MVD: variants seen among roughly 807,000 people sequenced by gnomAD.
The protein encoded by MVD is mevalonate diphosphate decarboxylase.
In MVD, 52 loss-of-function variants were observed where a neutral mutation model predicts 42.4. That is an observed-to-expected ratio of 1.23 (90% confidence interval 0.98 to 1.55). The LOEUF (loss-of-function observed/expected upper bound fraction) is 1.55. Among genes scored for constraint, MVD ranks in the 40% most tolerant of loss-of-function variants. The pLI, the probability that MVD is intolerant of heterozygous loss-of-function variation, is 0.00. For missense variants in MVD, 663 were observed against 572.1 expected, an observed-to-expected ratio of 1.16 and a Z score of -1.62; for synonymous variants, 287 against 243.2, an observed-to-expected ratio of 1.18 and a Z score of -1.68.
In MVD at chr16:88,654,693, T is replaced by C. The variant is rs1907791092; in HGVS notation, c.1012A>G (p.Thr338Ala). ...AGGAGGGGCGGGGTCCACACTCACG[T>C]GTCTCCATTCGAGCCTGGGGGAAAG... is the stretch of plus-strand genomic sequence containing the variant. ...HGFPPGSNGD[T>A]FLKGLQVRPA... The change falls in exon 8 of 10, where the codon ACG (threonine) becomes GCG (alanine). Residue 338 changes from threonine (T) to alanine (A), a missense_variant and splice_region_variant. Transcript: ENST00000301012. 6.3e-7 allele frequency: 1 copy of C among 1,596,274 alleles called. No homozygotes were observed. The highest frequency in any genetic ancestry group is 1.4e-5 in the African/African-American group (1 of 73,586).
rs1211057931 is a variant in MVD at position 88,655,249 on chromosome 16, G to A, written c.847C>T (p.Arg283Cys). 10 of 1,585,658 alleles carry A rather than the reference G, an allele frequency of 6.3e-6. No individual in the cohort carries two copies. Among genetic ancestry groups the A allele is most frequent in the South Asian group, 1.2e-5 (1 of 86,878 alleles). The change falls in exon 7 of 10, where the codon CGC becomes TGC. Residue 283 changes from arginine (R) to cysteine (C), a missense_variant. Physicochemically the swap from Arg to Cys is radical, Grantham distance 180. Coordinates refer to ENST00000301012, the MANE Select transcript of MVD (RefSeq NM_002461.3). ...PISYLNAISW[R>C]IIHLVHRFNA... is the part of the protein sequence containing the mutation. The stretch of plus-strand genomic sequence containing the variant: ...AAGCGGTGCACCAGGTGGATGATGC[G>A]CCAGGAGATGGCATTGAGGTAAGAG...
intron 9 of MVD, among the ~76,000 whole-genome samples, chr16:88,652,905 C>T (rs1907664955): frequency 6.6e-6 from 1 of 152,114 alleles, no homozygotes; most frequent in African/African-American, 2.4e-5. Flanking sequence ...CTTGGGCGGC[C>T]GTGATCACTG....
intron 3 of MVD, 110 bp from the exon 4 acceptor site, chr16:88,657,692 C>T: frequency 2.0e-6 from 3 of 1,479,490 alleles, no homozygotes; most frequent in Non-Finnish European, 2.8e-6. Context: ...GCCTGCCAGA[C>T]TCCTCGTGGA....
intron 8 of MVD, among the ~76,000 whole-genome samples, chr16:88,654,203 G>A (rs1017828): frequency 0.57 from 86,801 of 151,598 alleles, 26,115 homozygotes; most frequent in East Asian, 0.77. Flanking sequence ...GCTCTGTGGC[G>A]CCAAGATGCA....
intron 9 of MVD, among the ~76,000 whole-genome samples, chr16:88,652,836 G>A (rs970243962): frequency 6.6e-6 from 1 of 152,226 alleles, no homozygotes; most frequent in Admixed American, 6.5e-5. Flanking sequence ...TCACAGGGGG[G>A]ACAGAGAACC....
At chr16:88,662,975 G>A in intron 1 of MVD, 36 bp downstream of exon 1, 1 of 1,579,228 alleles carries the variant, frequency 6.3e-7, no homozygotes, top group African/African-American at 1.4e-5. Flanking sequence ...CCTCGCTCCC[G>A]GCCATCCCCG....
At chr16:88,653,558 G>C in intron 8 of MVD, 150 bp from the exon 9 acceptor site, 1 of 635,788 alleles carries the variant, frequency 1.6e-6, no homozygotes, top group African/African-American at 1.9e-5. Context: ...TGTGGGGACA[G>C]GTTTCTTTTA....
At chr16:88,655,157 C>G in intron 7 of MVD, 42 bp downstream of exon 7, 1 of 1,544,784 alleles carries the variant, frequency 6.5e-7, no homozygotes. Context: ...TAGACACGCG[C>G]TACAGCGCGA....
At chr16:88,652,845 C>T (rs990808256) in intron 9 of MVD, among the ~76,000 whole-genome samples, 1 of 152,218 alleles carries the variant, frequency 6.6e-6, no homozygotes, top group Admixed American at 6.5e-5. Flanking sequence ...GGACAGAGAA[C>T]CACAGAGCCT....
chr16:88,661,158 A>G (rs919765038), intron 1 of MVD, among the ~76,000 whole-genome samples: 6 of 152,078 alleles, frequency 3.9e-5, no homozygotes, highest in Non-Finnish European at 8.8e-5. Flanking sequence ...ACAACCTTGG[A>G]TCACAGACTT....
chr16:88,657,939 G>GGCAGGCCTGCAGCCT lies in MVD; in HGVS notation c.231_232insAGGCTGCAGGCCTGC (p.Arg78_Cys82dup). The GGCAGGCCTGCAGCCT allele has an allele frequency of 6.2e-7, 1 of 1,613,524 alleles. No individual in the cohort carries two copies. Among genetic ancestry groups the GGCAGGCCTGCAGCCT allele is most frequent in the Admixed American group, 1.7e-5 (1 of 60,014 alleles). On this transcript the variant is annotated inframe_insertion, in exon 3 of 10. Coordinates refer to ENST00000301012, the MANE Select transcript of MVD (RefSeq NM_002461.3). ...CTCTCCCGCAGGCAGGCCTGCAGCC[G>GGCAGGCCTGCAGCCT]CGGCTGCCCCACATCCTCCTCCCGG...
chr16:88,655,141 C>A, intron 7 of MVD, 58 bp downstream of exon 7: 1 of 1,534,098 alleles, frequency 6.5e-7, no homozygotes, highest in Non-Finnish European at 8.8e-7. Flanking sequence ...CACGGCAGCA[C>A]AAGCCTAGAC....
intron 8 of MVD, among the ~76,000 whole-genome samples, chr16:88,654,274 G>A (rs1043849363): frequency 3.0e-4 from 45 of 152,312 alleles, no homozygotes; most frequent in East Asian, 2.3e-3. Flanking sequence ...ACACCCGGCC[G>A]CCTTGACTGG....
At chr16:88,652,829 C>CA (rs1265636620) in intron 9 of MVD, among the ~76,000 whole-genome samples, 1 of 152,198 alleles carries the variant, frequency 6.6e-6, no homozygotes, top group Non-Finnish European at 1.5e-5. Context: ...GCTTCTGTCA[C>CA]AGGGGGGACA....
At chr16:88,661,702 C>G (rs1908302093) in intron 1 of MVD, among the ~76,000 whole-genome samples, 1 of 152,028 alleles carries the variant, frequency 6.6e-6, no homozygotes, top group African/African-American at 2.4e-5. Flanking sequence ...CCACAGCACC[C>G]TGCCAGCACA....
chr16:88,659,558 G>A (rs1232633448), intron 1 of MVD, among the ~76,000 whole-genome samples: 1 of 152,210 alleles, frequency 6.6e-6, no homozygotes, highest in Non-Finnish European at 1.5e-5. Context: ...CAGTGCAGGG[G>A]GAGCCCGGGG....
At chr16:88,658,515 C>G in intron 2 of MVD, 135 bp downstream of exon 2, 1 of 835,688 alleles carries the variant, frequency 1.2e-6, no homozygotes. Context: ...ACTGTGGTCT[C>G]CAATGCCTGG....
At chr16:88,652,944 A>G (rs887057231) in intron 9 of MVD, among the ~76,000 whole-genome samples, 1 of 152,036 alleles carries the variant, frequency 6.6e-6, no homozygotes, top group Non-Finnish European at 1.5e-5. Flanking sequence ...GGAGCAGGTC[A>G]GAGGGCAGGA....
intron 4 of MVD, chr16:88,656,573 C>G (rs1402555262): frequency 1.8e-6 from 1 of 554,972 alleles, no homozygotes; most frequent in Non-Finnish European, 3.2e-6. Context: ...TGCGGCAGAG[C>G]AGGAAGCCCC....
Sources: allele counts gnomAD v4.1 joint callset (sites outside exome capture counted in the v4.1 genomes callset), GRCh38; gene constraint gnomAD v4.1.1; transcripts MANE v1.5; gene names NCBI Gene and HGNC (gene_info 2026-07-23, HGNC 2026-07-21).